BANK1: variants seen among roughly 807,000 people sequenced by gnomAD.
BANK1 encodes B-cell scaffold protein with ankyrin repeats.
In BANK1, 95 loss-of-function variants were observed where a neutral mutation model predicts 94.5. The ratio of observed to expected loss-of-function variants is 1.00; its 90% CI spans 0.85 to 1.19. The LOEUF is 1.19. Among genes scored for constraint, BANK1 ranks in the 50% most tolerant of loss-of-function variants. The pLI, the probability that BANK1 is intolerant of heterozygous loss-of-function variation, is 0.00. For synonymous variants in BANK1, 334 were observed against 308.4 expected, an observed-to-expected ratio of 1.08 and a Z score of -0.87; for missense variants, 987 against 932.2, an observed-to-expected ratio of 1.06 and a Z score of -0.77.
intron 1 of BANK1, among the ~76,000 whole-genome samples, chr4:101,805,783 T>G (rs1038377746): frequency 6.6e-6 from 1 of 151,840 alleles, no homozygotes; most frequent in Admixed American, 6.6e-5. Flanking sequence ...TTGGCAATCT[T>G]TTTCAAACTC....
At chr4:101,933,648 A>C (rs1370565445) in intron 7 of BANK1, among the ~76,000 whole-genome samples, 2 of 151,594 alleles carry the variant, frequency 1.3e-5, no homozygotes, top group Non-Finnish European at 3.0e-5. Flanking sequence ...GCACAATGCA[A>C]TATAGATACA....
chr4:101,923,903 T>G (rs566231787), intron 7 of BANK1, among the ~76,000 whole-genome samples: 7 of 151,922 alleles, frequency 4.6e-5, no homozygotes, highest in African/African-American at 1.7e-4. Context: ...ATATGGGATT[T>G]TGGTAAAATA....
intron 5 of BANK1, among the ~76,000 whole-genome samples, chr4:101,892,758 G>A (rs1376168483): frequency 6.6e-6 from 1 of 151,548 alleles, no homozygotes; most frequent in Non-Finnish European, 1.5e-5. Context: ...AATGTTCTTT[G>A]GGTTGCACAA....
At chr4:101,945,215 C>T (rs1221951776) in intron 7 of BANK1, among the ~76,000 whole-genome samples, 1 of 151,876 alleles carries the variant, frequency 6.6e-6, no homozygotes, top group Non-Finnish European at 1.5e-5. Flanking sequence ...CATGGTTAAA[C>T]ATAATTTTTA....
chr4:102,005,342 G>T (rs534069900), intron 7 of BANK1, among the ~76,000 whole-genome samples: 1 of 151,956 alleles, frequency 6.6e-6, no homozygotes, highest in African/African-American at 2.4e-5. Context: ...TAAAATAAAT[G>T]CATGAACAAA....
At position 101,889,168 on chromosome 4, in the gene BANK1, TTTCATC is replaced by T. The variant is rs566993934; in HGVS notation, c.904-6135_904-6130del. Reference sequence around the variant, plus strand: ...TTGTGTTTTTCAAGGACTTGGTTCATTTCATCTAAATCATCAAACTCATGTATGTAG... The same window carrying T: ...TTGTGTTTTTCAAGGACTTGGTTCATTAAATCATCAAACTCATGTATGTAG... On this transcript the variant is annotated intron_variant, in intron 5 of 16. Coordinates refer to ENST00000322953, the MANE Select transcript of BANK1 (RefSeq NM_017935.5). 4.8e-3 allele frequency among the ~76,000 whole-genome samples: 738 copies of T among 152,312 alleles called. 2 individuals carry two copies. Among genetic ancestry groups the T allele is most frequent in the Non-Finnish European group, 8.4e-3 (573 of 68,028 alleles).
At chr4:101,967,661 A>C (rs1251799445) in intron 7 of BANK1, among the ~76,000 whole-genome samples, 1 of 152,032 alleles carries the variant, frequency 6.6e-6, no homozygotes, top group Non-Finnish European at 1.5e-5. Flanking sequence ...GCTCATATAT[A>C]GCAGAATCAG....
intron 8 of BANK1, 33 bp downstream of exon 8, chr4:102,021,625 A>G (rs779154806): frequency 5.8e-5 from 50 of 869,560 alleles, no homozygotes; most frequent in Middle Eastern, 3.7e-4. Context: ...TATATATGAC[A>G]TATTCATATA....
chr4:101,928,669 G>C (rs1364859401), intron 7 of BANK1, among the ~76,000 whole-genome samples: 2 of 151,624 alleles, frequency 1.3e-5, no homozygotes, highest in African/African-American at 4.8e-5. Flanking sequence ...ATGGGTAACT[G>C]CATAGACTTA....
intron 1 of BANK1, among the ~76,000 whole-genome samples, chr4:101,805,106 T>TTC (rs1725509398): frequency 6.6e-6 from 1 of 152,180 alleles, no homozygotes; most frequent in African/African-American, 2.4e-5. Context: ...CATCAAAATG[T>TTC]TCTAAAATTA....
chr4:101,848,132 T>G (rs111995134), intron 2 of BANK1, among the ~76,000 whole-genome samples: 36 of 152,314 alleles, frequency 2.4e-4, no homozygotes, highest in Middle Eastern at 3.4e-3. Flanking sequence ...CTTCAGCTTC[T>G]CCAGTGGGGC....
chr4:101,813,848 G>A (rs1258774510), intron 1 of BANK1: 3 of 985,284 alleles, frequency 3.0e-6, no homozygotes, highest in East Asian at 2.3e-4. Context: ...GGCTGCAGAG[G>A]ATGCACACAT....
At chr4:101,907,630 T>C (rs938219539) in intron 6 of BANK1, among the ~76,000 whole-genome samples, 1 of 152,224 alleles carries the variant, frequency 6.6e-6, no homozygotes, top group African/African-American at 2.4e-5. Context: ...TGTTTGCAGA[T>C]GACATGATTG....
At chr4:101,931,687 T>A (rs754396636) in intron 7 of BANK1, among the ~76,000 whole-genome samples, 30 of 151,582 alleles carry the variant, frequency 2.0e-4, no homozygotes, top group Non-Finnish European at 4.1e-4. Flanking sequence ...TGATTTTAAA[T>A]CTCTATGACA....
intron 10 of BANK1, among the ~76,000 whole-genome samples, chr4:102,031,902 T>C (rs1256989763): frequency 6.6e-6 from 1 of 152,210 alleles, no homozygotes; most frequent in Non-Finnish European, 1.5e-5. Context: ...AATACACTTA[T>C]TTAATGATGA....
intron 4 of BANK1, among the ~76,000 whole-genome samples, chr4:101,867,947 C>T (rs534719791): frequency 4.2e-4 from 63 of 151,408 alleles, no homozygotes; most frequent in African/African-American, 1.4e-3. Flanking sequence ...AACCCAACCA[C>T]GTTAGTGAAG....
chr4:101,959,870 G>T (rs1221586097), intron 7 of BANK1, among the ~76,000 whole-genome samples: 2 of 152,144 alleles, frequency 1.3e-5, no homozygotes, highest in Non-Finnish European at 2.9e-5. Context: ...AGTTGTCAGA[G>T]AATTTAAAGT....
At chr4:101,861,954 G>A (rs964251297) in intron 3 of BANK1, among the ~76,000 whole-genome samples, 2 of 151,834 alleles carry the variant, frequency 1.3e-5, no homozygotes, top group Non-Finnish European at 2.9e-5. Flanking sequence ...ATAACCTTTA[G>A]TCAACTCAAA....
chr4:101,913,774 C>T (rs1722742901), intron 6 of BANK1, among the ~76,000 whole-genome samples: 1 of 152,152 alleles, frequency 6.6e-6, no homozygotes, highest in South Asian at 2.1e-4. Flanking sequence ...TTTCTTCTTC[C>T]TTTTCCTCCT....
Sources: gnomAD v4.1 joint callset for allele counts (sites outside exome capture counted in the v4.1 genomes callset) on GRCh38, gnomAD v4.1.1 for gene constraint, MANE v1.5 for transcripts, NCBI Gene and HGNC (gene_info 2026-07-23, HGNC 2026-07-21) for gene names.